LRP12: variants seen among roughly 807,000 people sequenced by gnomAD.
LRP12 encodes LDL receptor related protein 12.
LRP12 carries 14 observed loss-of-function variants against 66.0 expected under a neutral mutation model. The ratio of observed to expected loss-of-function variants is 0.21; its 90% confidence interval spans 0.14 to 0.33. The LOEUF (loss-of-function observed/expected upper bound fraction) is 0.33, where lower values mean the gene tolerates loss of function less well. LRP12 is among the 10% of genes least tolerant of loss of function. The probability of loss-of-function intolerance (pLI) is 1.00; values close to 1 mark genes in which losing one functional copy is unlikely to be tolerated. For missense variants in LRP12, 889 were observed against 1,053.4 expected, an observed-to-expected ratio of 0.84 and a Z score of 2.16; for synonymous variants, 357 against 359.1, an observed-to-expected ratio of 0.99 and a Z score of 0.07.
At chr8:104,546,903 A>G (rs1207883426) in intron 1 of LRP12, among the ~76,000 whole-genome samples, 1 of 143,284 alleles carries the variant, frequency 7.0e-6, no homozygotes, top group African/African-American at 2.6e-5. Context: ...TTATTATTAT[A>G]TATATTATAT....
Position 104,497,336 on chromosome 8 carries a change from C to G in LRP12, c.1216G>C (p.Asp406His). ...TGGCACATGGTACAATTGGTTTCAT[C>G]CCTTCCATTTGGGCAATGCCAATAC... is the stretch of plus-strand genomic sequence containing the variant. The part of the protein sequence containing the change: ...DGYWHCPNGR[D>H]ETNCTMCQKE... Residue 406 changes from aspartate to histidine, a missense_variant, in exon 5 of 7, where the codon GAT becomes CAT. Asp to His is a moderately conservative substitution (Grantham distance 81). This residue lies in a region of LRP12 where 800 missense variants were observed against 964.5 expected (regional missense o/e 0.83). Transcript: ENST00000276654. The surrounding 1 kb of genome is among the most constrained non-coding windows in gnomAD (Gnocchi z 4.3). The G allele has an allele frequency of 6.2e-7, 1 of 1,614,060 alleles. No individual in the cohort carries two copies. Among genetic ancestry groups the G allele is most frequent in the Non-Finnish European group, 8.5e-7 (1 of 1,179,980 alleles).
rs1240828878 is a variant in LRP12 at position 104,589,189 on chromosome 8, G to A, written c.-292C>T. 6.6e-6 allele frequency among the ~76,000 whole-genome samples: 1 copy of A among 151,648 alleles called. No individual in the cohort carries two copies. Among genetic ancestry groups the A allele is most frequent in the Non-Finnish European group, 1.5e-5 (1 of 67,872 alleles). On this transcript the variant is annotated 5_prime_UTR_variant, in exon 1 of 7. Coordinates refer to ENST00000276654, the MANE Select transcript of LRP12 (RefSeq NM_013437.5). ...AGGAGCTCGCGCGCCAGCGCGAGAC[G>A]AGAGGGTGGCGGACGCCGGACTCCG...
intron 1 of LRP12, among the ~76,000 whole-genome samples, chr8:104,535,565 T>C (rs1209053947): frequency 6.6e-6 from 1 of 152,018 alleles, no homozygotes; most frequent in African/African-American, 2.4e-5. Flanking sequence ...TAAATACACC[T>C]AAGATTTGAT....
At chr8:104,537,766 T>C (rs536490467) in intron 1 of LRP12, among the ~76,000 whole-genome samples, 8 of 152,086 alleles carry the variant, frequency 5.3e-5, no homozygotes, top group Admixed American at 4.6e-4. Flanking sequence ...TGAAATCATA[T>C]AAAAAAGACA....
rs754468887 is a variant in LRP12, at chr8:104,497,851, G to A, written c.701C>T (p.Pro234Leu). 4 of 1,614,052 alleles carry A rather than the reference G, an allele frequency of 2.5e-6. No homozygotes were observed. Among genetic ancestry groups the A allele is most frequent in the African/African-American group, 2.7e-5 (2 of 74,908 alleles). ...GTTCCCATCACATTTTAAAGATTCG[G>A]GGAGGCAAGTGTAAACTTTGGTAAA... ...SRFTKVYTCL[P>L]ESLKCDGNID... is the part of the protein sequence containing the mutation. Residue 234 changes from proline (P) to leucine (L), a missense_variant, in exon 5 of 7, where the codon CCC becomes CTC. Physicochemically the swap from Pro to Leu is moderately conservative, Grantham distance 98. Transcript: ENST00000276654. This position sits in a 1 kb window ranked among gnomAD's most constrained non-coding sequence, Gnocchi z 4.3.
intron 1 of LRP12, among the ~76,000 whole-genome samples, chr8:104,539,404 T>C (rs1811438541): frequency 6.6e-6 from 1 of 152,156 alleles, no homozygotes; most frequent in Non-Finnish European, 1.5e-5. Context: ...ATAACTGCTG[T>C]TAGGGCCTAG....
chr8:104,530,744 CA>C (rs1158597026), intron 2 of LRP12, among the ~76,000 whole-genome samples: 1 of 152,028 alleles, frequency 6.6e-6, no homozygotes, highest in Admixed American at 6.6e-5. Context: ...TGTTTGTAAA[CA>C]AACATACTTT....
At chr8:104,552,441 G>A (rs926578245) in intron 1 of LRP12, among the ~76,000 whole-genome samples, 25 of 151,192 alleles carry the variant, frequency 1.7e-4, no homozygotes, top group Non-Finnish European at 2.4e-4. Context: ...AGGCCGAGGC[G>A]GGCAGATCAT....
At chr8:104,514,380 T>C (rs1373720197) in intron 2 of LRP12, among the ~76,000 whole-genome samples, 1 of 151,980 alleles carries the variant, frequency 6.6e-6, no homozygotes, top group Non-Finnish European at 1.5e-5. Context: ...AGATTTGAGG[T>C]GGCTTATTAT....
chr8:104,527,401 T>C (rs1811255166), intron 2 of LRP12, among the ~76,000 whole-genome samples: 1 of 151,248 alleles, frequency 6.6e-6, no homozygotes, highest in Non-Finnish European at 1.5e-5. Flanking sequence ...ACTGCGGCAC[T>C]ATTCACAATA....
At chr8:104,560,654 C>T (rs1462864704) in intron 1 of LRP12, among the ~76,000 whole-genome samples, 8 of 152,166 alleles carry the variant, frequency 5.3e-5, no homozygotes, top group Non-Finnish European at 1.2e-4. Context: ...TATACTTCAA[C>T]ATACATATCT....
At chr8:104,491,603 A>AAC in intron 6 of LRP12, 64 bp from the exon 7 acceptor site, 2 of 1,307,014 alleles carry the variant, frequency 1.5e-6, no homozygotes, top group Non-Finnish European at 1.0e-6. Flanking sequence ...AAAAAAAAAA[A>AAC]AACACCCTTC....
At chr8:104,548,623 ATAAT>A (rs1189182987) in intron 1 of LRP12, among the ~76,000 whole-genome samples, 1 of 109,966 alleles carries the variant, frequency 9.1e-6, no homozygotes, top group Non-Finnish European at 1.8e-5. Flanking sequence ...AATTAATTAT[ATAAT>A]TATTATATAA....
chr8:104,548,219 A>G (rs1352660805), intron 1 of LRP12, among the ~76,000 whole-genome samples: 1 of 103,582 alleles, frequency 9.7e-6, no homozygotes, highest in Non-Finnish European at 1.7e-5. Flanking sequence ...TTATATTAAT[A>G]TATGATATAT....
intron 2 of LRP12, among the ~76,000 whole-genome samples, chr8:104,513,387 T>A (rs1811024789): frequency 3.9e-5 from 6 of 152,228 alleles, no homozygotes; most frequent in Admixed American, 3.9e-4. Context: ...CTCTAAGGTC[T>A]ATTTCAGCCC....
At chr8:104,533,427 C>CA (rs1227265375) in intron 1 of LRP12, among the ~76,000 whole-genome samples, 1 of 152,054 alleles carries the variant, frequency 6.6e-6, no homozygotes, top group Non-Finnish European at 1.5e-5. Flanking sequence ...AGTAGACTAG[C>CA]AGTACTGGCC....
intron 1 of LRP12, among the ~76,000 whole-genome samples, chr8:104,557,799 G>C (rs1283186743): frequency 6.6e-6 from 1 of 151,952 alleles, no homozygotes; most frequent in African/African-American, 2.4e-5. Context: ...CCAAAAAAGA[G>C]CTCACATAGC....
In LRP12 at chr8:104,491,450, G is replaced by A; in HGVS notation, c.1803C>T (p.Asn601=). 3 of 1,614,004 alleles carry A rather than the reference G, an allele frequency of 1.9e-6. No homozygotes were observed. The highest frequency in any genetic ancestry group is 2.5e-6 in the Non-Finnish European group (3 of 1,179,992). ...VRLPMAGRSS[N]IWNRIFNFAR... ...CAAAATTAAAAATACGGTTCCAAAT[G>A]TTGCTTGATCTGCCTGCCATAGGAA... The change falls in exon 7 of 7, where the codon AAC becomes AAT. Residue 601 remains asparagine (N), a synonymous_variant. Transcript: ENST00000276654.
intron 2 of LRP12, among the ~76,000 whole-genome samples, chr8:104,528,778 C>A (rs1588493197): frequency 6.9e-6 from 1 of 144,322 alleles, no homozygotes; most frequent in African/African-American, 2.5e-5. Context: ...GACTCCATCT[C>A]AAAAAAAAAA....
Sources: gnomAD v4.1 joint callset for allele counts (sites outside exome capture counted in the v4.1 genomes callset) on GRCh38, gnomAD v4.1.1 for gene constraint, gnomAD v4.1.1 regional missense constraint, Gnocchi (gnomAD v3.1) non-coding constraint, MANE v1.5 for transcripts, NCBI Gene and HGNC (gene_info 2026-07-23, HGNC 2026-07-21) for gene names.